The following KIRREL1 variants were observed in gnomAD, a reference collection of about 807,000 sequenced individuals.
The protein encoded by KIRREL1 is kin of IRRE-like protein 1.
KIRREL1 carries 25 observed loss-of-function variants against 83.3 expected under a neutral mutation model. The observed-to-expected ratio is 0.30, with a 90% CI of 0.22 to 0.42. KIRREL1 has a LOEUF of 0.42. Ranked by LOEUF, KIRREL1 falls within the 10% of genes least tolerant of loss-of-function variation. The probability of loss-of-function intolerance (pLI) is 1.00; values close to 1 mark genes in which losing one functional copy is unlikely to be tolerated. For missense variants in KIRREL1, 812 were observed against 1,032.3 expected (o/e 0.79, Z 2.92); for synonymous variants, 388 against 410.4 (o/e 0.95, Z 0.66).
intron 1 of KIRREL1, among the ~76,000 whole-genome samples, chr1:158,009,814 G>T (rs1343792349): frequency 6.6e-6 from 1 of 152,220 alleles, no homozygotes; most frequent in Non-Finnish European, 1.5e-5. Context: ...TCAAGCCTGT[G>T]TGCCAAAGGG....
intron 5 of KIRREL1, among the ~76,000 whole-genome samples, chr1:158,087,215 C>T (rs959207442): frequency 5.3e-5 from 8 of 152,148 alleles, no homozygotes; most frequent in Non-Finnish European, 8.8e-5. Context: ...ACACAGTAAA[C>T]GCTCTATGCA....
intron 1 of KIRREL1, among the ~76,000 whole-genome samples, chr1:158,004,099 T>G (rs3856266): frequency 0.23 from 35,150 of 152,112 alleles, 4,440 homozygotes; most frequent in East Asian, 0.35. Flanking sequence ...TGTGTGATCA[T>G]GACCAAGTCA....
rs1367299612 is a variant in KIRREL1 at position 158,087,832 on chromosome 1, A to G, written c.739A>G (p.Thr247Ala). Residue 247 changes from threonine to alanine, a missense_variant, in exon 6 of 15, where the codon ACA becomes GCA. Physicochemically the swap from Thr to Ala is moderately conservative, Grantham distance 58. Around this residue, in one of 3 missense-constraint regions of KIRREL1, gnomAD observed 472 missense variants for 626.8 expected, o/e 0.75. Transcript: ENST00000359209. ...GERVVFTCQA[T>A]ANPEILGYRW... ...GCGTGTTGTCTTTACCTGCCAGGCCACAGCCAACCCCGAGATCTTGGGCTA... is the reference window on the plus strand; with the variant it reads ...GCGTGTTGTCTTTACCTGCCAGGCCGCAGCCAACCCCGAGATCTTGGGCTA... 6 of 1,613,864 alleles carry G rather than the reference A, an allele frequency of 3.7e-6. No individual in the cohort carries two copies. Among genetic ancestry groups the G allele is most frequent in the Non-Finnish European group, 5.1e-6 (6 of 1,179,962 alleles).
At position 158,093,754 on chromosome 1, in the gene KIRREL1, A is replaced by G. The variant is rs774949376; in HGVS notation, c.1711A>G (p.Ile571Val). ...VSTATRVMKA[I>V]YSSFKDDVDL... ...CACAGCAACCCGGGTCATGAAGGCCATCTACTCGGTGAGGGTCCTGCTCCT... is the reference window on the plus strand; with the variant it reads ...CACAGCAACCCGGGTCATGAAGGCCGTCTACTCGGTGAGGGTCCTGCTCCT... The change falls in exon 13 of 15, where the codon ATC (isoleucine) becomes GTC (valine). Residue 571 changes from isoleucine (I) to valine (V), a missense_variant. Around this residue, in one of 3 missense-constraint regions of KIRREL1, gnomAD observed 334 missense variants for 383.7 expected, o/e 0.87. Coordinates refer to ENST00000359209, the MANE Select transcript of KIRREL1 (RefSeq NM_018240.7). The G allele has an allele frequency of 5.0e-6, 8 of 1,614,000 alleles. No homozygotes were observed. The Admixed American group carries it at 1.0e-4, about 20-fold the overall frequency.
At chr1:158,089,426 C>A (rs1353328943) in intron 8 of KIRREL1, 76 bp from the exon 9 acceptor site, 2 of 1,589,800 alleles carry the variant, frequency 1.3e-6, no homozygotes, top group Non-Finnish European at 8.5e-7. Context: ...TTTCCGATGC[C>A]TCCGATGTGG....
chr1:158,010,919 A>G (rs893089080), intron 1 of KIRREL1, among the ~76,000 whole-genome samples: 1 of 152,228 alleles, frequency 6.6e-6, no homozygotes, highest in Non-Finnish European at 1.5e-5. Context: ...AAATAAGCCA[A>G]TGGCATCAGT....
At chr1:158,041,495 G>C (rs905653559) in intron 1 of KIRREL1, among the ~76,000 whole-genome samples, 1 of 152,182 alleles carries the variant, frequency 6.6e-6, no homozygotes, top group Admixed American at 6.5e-5. Context: ...CAGTCCCTCT[G>C]AAGGTGCTGA....
chr1:158,070,495 G>A (rs1368203233), intron 1 of KIRREL1, among the ~76,000 whole-genome samples: 1 of 152,208 alleles, frequency 6.6e-6, no homozygotes, highest in Non-Finnish European at 1.5e-5. Context: ...TGGGGTTGAA[G>A]GGTCAAGGAA....
At chr1:158,062,467 G>T (rs1661241399) in intron 1 of KIRREL1, among the ~76,000 whole-genome samples, 1 of 152,256 alleles carries the variant, frequency 6.6e-6, no homozygotes, top group South Asian at 2.1e-4. Context: ...GGTTGGAACT[G>T]CTTTTACTTT....
At chr1:158,078,290 A>G in intron 3 of KIRREL1, 150 bp downstream of exon 3, 1 of 923,278 alleles carries the variant, frequency 1.1e-6, no homozygotes, top group Non-Finnish European at 1.6e-6. Flanking sequence ...GTCCAGGTAG[A>G]AGAAAGTAAA....
chr1:158,054,042 C>G (rs1660976873), intron 1 of KIRREL1, among the ~76,000 whole-genome samples: 1 of 151,754 alleles, frequency 6.6e-6, no homozygotes, highest in African/African-American at 2.4e-5. Flanking sequence ...GAAACTTCAT[C>G]TCTACTAAAA....
At chr1:158,049,725 C>A (rs188665054) in intron 1 of KIRREL1, among the ~76,000 whole-genome samples, 2 of 152,004 alleles carry the variant, frequency 1.3e-5, no homozygotes, top group African/African-American at 4.8e-5. Flanking sequence ...TTAAGCAAAG[C>A]GACAGGGTGG....
intron 4 of KIRREL1, 40 bp from the exon 5 acceptor site, chr1:158,086,555 CT>C: frequency 6.5e-7 from 1 of 1,544,634 alleles, no homozygotes; most frequent in Non-Finnish European, 8.8e-7. Context: ...GAGGAGGGGG[CT>C]TTTAGCTTAA....
intron 1 of KIRREL1, 86 bp from the exon 2 acceptor site, chr1:158,076,027 C>A: frequency 2.1e-5 from 28 of 1,322,074 alleles, no homozygotes; most frequent in Non-Finnish European, 2.9e-5. Flanking sequence ...GAGGCTCTCC[C>A]TCCTTCCAGC....
intron 1 of KIRREL1, among the ~76,000 whole-genome samples, chr1:158,000,645 A>T (rs565782130): frequency 6.6e-6 from 1 of 150,826 alleles, no homozygotes; most frequent in East Asian, 1.9e-4. Context: ...TATCCCACTT[A>T]CTCTCCCTCT....
intron 1 of KIRREL1, among the ~76,000 whole-genome samples, chr1:158,057,468 A>G (rs1377209272): frequency 6.6e-6 from 1 of 152,074 alleles, no homozygotes; most frequent in Admixed American, 6.5e-5. Flanking sequence ...AGGGCTTTTC[A>G]CAGACATAGA....
At chr1:158,060,230 G>A (rs1031444113) in intron 1 of KIRREL1, among the ~76,000 whole-genome samples, 1 of 152,150 alleles carries the variant, frequency 6.6e-6, no homozygotes. Context: ...TTCCTGGGCA[G>A]GGTTCTGATG....
intron 1 of KIRREL1, among the ~76,000 whole-genome samples, chr1:158,050,672 G>A (rs1278917597): frequency 2.6e-5 from 4 of 152,034 alleles, no homozygotes; most frequent in Non-Finnish European, 5.9e-5. Flanking sequence ...AATGGGGAGT[G>A]GAGATGGCAC....
At chr1:158,080,445 C>T (rs1326784416) in intron 3 of KIRREL1, among the ~76,000 whole-genome samples, 1 of 152,172 alleles carries the variant, frequency 6.6e-6, no homozygotes, top group Non-Finnish European at 1.5e-5. Flanking sequence ...TAAAAGCTTG[C>T]AGGCCAATGA....
Sources: gnomAD v4.1 joint callset for allele counts (sites outside exome capture counted in the v4.1 genomes callset) on GRCh38, gnomAD v4.1.1 for gene constraint, gnomAD v4.1.1 regional missense constraint, MANE v1.5 for transcripts, NCBI Gene and HGNC (gene_info 2026-07-23, HGNC 2026-07-21) for gene names.